The following ARHGAP22 variants were observed in gnomAD, a reference collection of about 807,000 sequenced individuals.
ARHGAP22 encodes the protein rho GTPase-activating protein 22.
A neutral mutation model predicts 59.1 loss-of-function variants in ARHGAP22; 48 were observed. The ratio of observed to expected loss-of-function variants is 0.81; its 90% confidence interval spans 0.64 to 1.03. ARHGAP22 has a LOEUF of 1.03. ARHGAP22 is among the 50% of genes least tolerant of loss of function. ARHGAP22 has a pLI of 0.00. For synonymous variants in ARHGAP22, 445 were observed against 416.4 expected (o/e 1.07, Z -0.84); for missense variants, 1,015 against 958.7 (o/e 1.06, Z -0.78).
chr10:48,579,149 C>T (rs1200928255), intron 2 of ARHGAP22, among the ~76,000 whole-genome samples: 5 of 151,634 alleles, frequency 3.3e-5, no homozygotes, highest in Non-Finnish European at 7.4e-5. Context: ...CAACTGATCA[C>T]ATTTAATTTT....
intron 4 of ARHGAP22, among the ~76,000 whole-genome samples, chr10:48,472,299 G>A (rs1157234158): frequency 1.3e-5 from 2 of 151,984 alleles, no homozygotes; most frequent in African/African-American, 4.8e-5. Flanking sequence ...CGAGGCAGGT[G>A]GATCATTTGA....
intron 3 of ARHGAP22, among the ~76,000 whole-genome samples, chr10:48,516,767 G>A (rs1017879960): frequency 3.3e-5 from 5 of 152,204 alleles, no homozygotes; most frequent in South Asian, 4.2e-4. Flanking sequence ...ATAGTCCTCC[G>A]ATATCAAAAA....
At chr10:48,577,805 T>TTTTTTTTTTG (rs2058833632) in intron 2 of ARHGAP22, among the ~76,000 whole-genome samples, 1 of 107,154 alleles carries the variant, frequency 9.3e-6, no homozygotes, top group East Asian at 3.8e-4. Flanking sequence ...TTTTTGGTTT[T>TTTTTTTTTTG]TTTTTTTTTT....
chr10:48,453,574 G>T, intron 7 of ARHGAP22, 149 bp from the exon 8 acceptor site: 1 of 1,202,544 alleles, frequency 8.3e-7, no homozygotes, highest in Non-Finnish European at 1.2e-6. Context: ...TGCCAGGCTC[G>T]ATGAGGGAAG....
At chr10:48,440,122 CTT>C in the ARHGAP22 span, among the ~76,000 whole-genome samples, 1,271 of 150,186 alleles carry the variant, frequency 8.5e-3, 11 homozygotes, top group African/African-American at 0.03. Flanking sequence ...AATTTAGGTA[CTT>C]TTTTTTTTTC....
At chr10:48,459,453 G>A (rs1485467734) in intron 5 of ARHGAP22, among the ~76,000 whole-genome samples, 1 of 152,196 alleles carries the variant, frequency 6.6e-6, no homozygotes, top group Admixed American at 6.5e-5. Context: ...CATGTGCAGG[G>A]GAGGCAGGCT....
intron 4 of ARHGAP22, among the ~76,000 whole-genome samples, chr10:48,471,222 G>A (rs2048197826): frequency 6.6e-6 from 1 of 152,136 alleles, no homozygotes; most frequent in Non-Finnish European, 1.5e-5. Context: ...GGCCAGGGCA[G>A]TGCAGTTCCG....
intron 8 of ARHGAP22, 44 bp from the exon 9 acceptor site, chr10:48,451,184 C>T (rs573031266): frequency 9.9e-5 from 154 of 1,550,018 alleles, no homozygotes; most frequent in South Asian, 3.3e-4. Context: ...GCCAGCCACT[C>T]GGCCCAGGCT....
chr10:48,648,054 C>T (rs1002584046), intron 1 of ARHGAP22, among the ~76,000 whole-genome samples: 1 of 152,182 alleles, frequency 6.6e-6, no homozygotes, highest in Non-Finnish European at 1.5e-5. Context: ...GGGTTAGTTG[C>T]AGATGGGCTT....
intron 9 of ARHGAP22, among the ~76,000 whole-genome samples, chr10:48,446,953 T>C (rs896351076): frequency 1.3e-5 from 2 of 152,178 alleles, no homozygotes; most frequent in African/African-American, 4.8e-5. Context: ...GGCCCCTGCA[T>C]GGGGAGGGTT....
chr10:48,518,053 C>T (rs1273166016), intron 3 of ARHGAP22, among the ~76,000 whole-genome samples: 1 of 152,094 alleles, frequency 6.6e-6, no homozygotes, highest in African/African-American at 2.4e-5. Context: ...TGCTGGTTCC[C>T]TTTTTGAAAA....
chr10:48,540,055 G>A (rs1269596746), intron 3 of ARHGAP22, among the ~76,000 whole-genome samples: 1 of 152,170 alleles, frequency 6.6e-6, no homozygotes, highest in Non-Finnish European at 1.5e-5. Flanking sequence ...AGGCTGAGCC[G>A]TGATTGAAAC....
chr10:48,574,163 T>C (rs2058566299), intron 2 of ARHGAP22, among the ~76,000 whole-genome samples: 1 of 152,242 alleles, frequency 6.6e-6, no homozygotes, highest in African/African-American at 2.4e-5. Flanking sequence ...AGCAATAAAT[T>C]ATTTTTCCAT....
At chr10:48,434,786 A>G in the ARHGAP22 span, 2 of 1,106,592 alleles carry the variant, frequency 1.8e-6, no homozygotes, top group South Asian at 4.2e-5. Context: ...TCGAAACCCA[A>G]GAGAAAAAAA....
chr10:48,626,134 G>GC (rs1412156511), intron 1 of ARHGAP22, among the ~76,000 whole-genome samples: 1 of 152,168 alleles, frequency 6.6e-6, no homozygotes. Flanking sequence ...ACTATTTGAA[G>GC]CCTTGATATT....
intron 1 of ARHGAP22, among the ~76,000 whole-genome samples, chr10:48,584,817 AC>A (rs1323277932): frequency 6.6e-6 from 1 of 152,152 alleles, no homozygotes; most frequent in Non-Finnish European, 1.5e-5. Context: ...ACACGGCGAA[AC>A]CCTGTCTCTA....
At chr10:48,612,402 G>A (rs964437400) in intron 1 of ARHGAP22, among the ~76,000 whole-genome samples, 1 of 152,206 alleles carries the variant, frequency 6.6e-6, no homozygotes, top group Non-Finnish European at 1.5e-5. Flanking sequence ...TCATGTGGCT[G>A]AGGCTCAGCT....
At chr10:48,552,122 A>T (rs1034196060) in intron 3 of ARHGAP22, among the ~76,000 whole-genome samples, 3 of 152,276 alleles carry the variant, frequency 2.0e-5, no homozygotes, top group Admixed American at 6.5e-5. Context: ...CACAAATAGA[A>T]CTATGGCTTA....
chr10:48,633,006 G>A (rs2061680676), intron 1 of ARHGAP22, among the ~76,000 whole-genome samples: 2 of 152,306 alleles, frequency 1.3e-5, no homozygotes, highest in South Asian at 4.1e-4. Flanking sequence ...GACATCACCT[G>A]CCACACGGAG....
Sources: gnomAD v4.1 joint callset for allele counts (sites outside exome capture counted in the v4.1 genomes callset) on GRCh38, gnomAD v4.1.1 for gene constraint, MANE v1.5 for transcripts, NCBI Gene and HGNC (gene_info 2026-07-23, HGNC 2026-07-21) for gene names.